The following PDE4D variants were observed in gnomAD, a reference collection of about 807,000 sequenced individuals.
PDE4D encodes phosphodiesterase 4D, also known as 3',5'-cyclic-AMP phosphodiesterase 4D.
PDE4D carries 24 observed loss-of-function variants against 87.4 expected under a neutral mutation model. The observed-to-expected ratio is 0.27, with a 90% CI of 0.20 to 0.39. PDE4D has a LOEUF of 0.39. Ranked by LOEUF, PDE4D falls within the 10% of genes least tolerant of loss-of-function variation. The pLI is 1.00. For missense variants in PDE4D, 714 were observed against 1,041.0 expected (o/e 0.69, Z 4.32); for synonymous variants, 384 against 383.2 (o/e 1.00, Z -0.02).
At chr5:59,940,253 T>C (rs1222357741) in intron 3 of PDE4D, among the ~76,000 whole-genome samples, 2 of 152,212 alleles carry the variant, frequency 1.3e-5, no homozygotes, top group African/African-American at 4.8e-5. Context: ...TTCTTTCCTA[T>C]GGTCTCCATA....
intron 5 of PDE4D, among the ~76,000 whole-genome samples, chr5:59,094,267 T>C (rs1367130659): frequency 7.6e-6 from 1 of 131,496 alleles, no homozygotes; most frequent in Non-Finnish European, 1.6e-5. Context: ...GAGTGCTAAA[T>C]TATTTTTAAA....
At chr5:59,263,077 C>T (rs1762292448) in intron 1 of PDE4D, among the ~76,000 whole-genome samples, 1 of 151,878 alleles carries the variant, frequency 6.6e-6, no homozygotes, top group Non-Finnish European at 1.5e-5. Context: ...TAAAGAGTAA[C>T]TACTGTGTCT....
chr5:60,260,489 T>C (rs542889358), intron 1 of PDE4D, among the ~76,000 whole-genome samples: 3 of 152,124 alleles, frequency 2.0e-5, no homozygotes, highest in East Asian at 1.9e-4. Context: ...AGGCAAAAAA[T>C]ATGAAGGTCT....
chr5:59,060,198 T>C (rs1762929985), intron 5 of PDE4D, among the ~76,000 whole-genome samples: 1 of 152,044 alleles, frequency 6.6e-6, no homozygotes, highest in Non-Finnish European at 1.5e-5. Flanking sequence ...GTGAGTTGAA[T>C]TTAGCAACAG....
chr5:60,517,070 C>A (rs573482534), intron 1 of PDE4D, among the ~76,000 whole-genome samples: 2 of 152,354 alleles, frequency 1.3e-5, no homozygotes, highest in South Asian at 4.1e-4. Context: ...CAGCCTCTCC[C>A]CACTCCTAGC....
chr5:59,806,317 C>T (rs936155662), intron 1 of PDE4D, among the ~76,000 whole-genome samples: 4 of 152,236 alleles, frequency 2.6e-5, no homozygotes, highest in African/African-American at 9.6e-5. Flanking sequence ...ACAGTATTGA[C>T]TTGCTCTACC....
At chr5:59,691,820 T>C (rs551292166) in intron 1 of PDE4D, among the ~76,000 whole-genome samples, 1 of 152,206 alleles carries the variant, frequency 6.6e-6, no homozygotes, top group African/African-American at 2.4e-5. Context: ...GAAAGTTGTA[T>C]GTAATACTTT....
chr5:60,207,029 G>A (rs1273414801), intron 1 of PDE4D, among the ~76,000 whole-genome samples: 1 of 152,214 alleles, frequency 6.6e-6, no homozygotes, highest in African/African-American at 2.4e-5. Flanking sequence ...TGAAAACAAA[G>A]TGTGTAATTT....
chr5:60,404,702 G>A (rs1461364556), intron 1 of PDE4D, among the ~76,000 whole-genome samples: 1 of 152,234 alleles, frequency 6.6e-6, no homozygotes, highest in Non-Finnish European at 1.5e-5. Context: ...ATTGACAACA[G>A]GAAAGTTGTT....
intron 1 of PDE4D, among the ~76,000 whole-genome samples, chr5:59,437,145 T>C (rs574456339): frequency 6.6e-6 from 1 of 152,212 alleles, no homozygotes. Flanking sequence ...CTGAATAAAA[T>C]GATGCTCATT....
At chr5:59,336,507 A>G (rs1430747800) in intron 1 of PDE4D, among the ~76,000 whole-genome samples, 1 of 152,202 alleles carries the variant, frequency 6.6e-6, no homozygotes, top group Non-Finnish European at 1.5e-5. Context: ...TGTAATTAAT[A>G]AAAGTTTAGC....
At chr5:59,907,485 C>T (rs1752970434) in intron 3 of PDE4D, among the ~76,000 whole-genome samples, 1 of 151,990 alleles carries the variant, frequency 6.6e-6, no homozygotes, top group Non-Finnish European at 1.5e-5. Flanking sequence ...TTATCGGGTA[C>T]TAGGCGTAGT....
rs144537335 is a variant in PDE4D at position 60,147,674 on chromosome 5, T to G, written c.42+37883A>C. The G allele has an allele frequency of 7.7e-4, 329 of 425,056 alleles. 4 individuals are homozygous for G. In the East Asian group the frequency reaches 0.022, roughly 28 times the overall value. 26.3% of individuals were successfully genotyped at this position (425,056 alleles called of 1,614,324 possible). ...CTTAGGGTCTCTCAAGAGATTGCAG[T>G]CAAGCCGCCAGCTGAGGCTGCTGCT... is the stretch of plus-strand genomic sequence containing the variant. On this transcript the variant is annotated intron_variant, in intron 2 of 16. Coordinates refer to the PDE4D transcript ENST00000502484.
At chr5:59,248,674 T>TC (rs1266840676) in intron 1 of PDE4D, among the ~76,000 whole-genome samples, 1 of 152,156 alleles carries the variant, frequency 6.6e-6, no homozygotes, top group Non-Finnish European at 1.5e-5. Flanking sequence ...TTCTTTTTTT[T>TC]CTACTTGTTT....
intron 1 of PDE4D, among the ~76,000 whole-genome samples, chr5:59,562,629 A>G (rs1047062821): frequency 6.6e-6 from 1 of 152,312 alleles, no homozygotes; most frequent in African/African-American, 2.4e-5. Context: ...GTCACTCACA[A>G]TTATTTCAAA....
intron 1 of PDE4D, chr5:60,460,070 C>T: frequency 6.3e-7 from 1 of 1,598,174 alleles, no homozygotes; most frequent in East Asian, 2.2e-5. Context: ...TCTCATAACT[C>T]ATCAGCACCT....
intron 1 of PDE4D, among the ~76,000 whole-genome samples, chr5:59,341,367 T>C (rs1050732066): frequency 6.6e-6 from 1 of 152,226 alleles, no homozygotes; most frequent in South Asian, 2.1e-4. Context: ...CGTTGTACTT[T>C]GGATCAAATT....
intron 1 of PDE4D, among the ~76,000 whole-genome samples, chr5:59,535,459 G>A (rs1348981485): frequency 6.6e-6 from 1 of 152,150 alleles, no homozygotes. Flanking sequence ...ATAATCTGTT[G>A]TGATGCTAAT....
chr5:60,167,742 T>G (rs569317714), intron 2 of PDE4D, among the ~76,000 whole-genome samples: 198 of 152,336 alleles, frequency 1.3e-3, no homozygotes, highest in African/African-American at 4.5e-3. Context: ...TTTATCTGTC[T>G]TTTCTCAACA....
Sources: allele counts gnomAD v4.1 joint callset (sites outside exome capture counted in the v4.1 genomes callset), GRCh38; gene constraint gnomAD v4.1.1; transcripts MANE v1.5; gene names NCBI Gene and HGNC (gene_info 2026-07-23, HGNC 2026-07-21).